The following CDH13 variants were observed in gnomAD, a reference collection of about 807,000 sequenced individuals.
CDH13 encodes the protein cadherin 13.
In CDH13, 24 loss-of-function variants were observed where a neutral mutation model predicts 63.8. The ratio of observed to expected loss-of-function variants is 0.38; its 90% CI spans 0.27 to 0.53. The LOEUF (loss-of-function observed/expected upper bound fraction) is 0.53. Among genes scored for constraint, CDH13 ranks in the 20% least tolerant of loss-of-function variants. The probability of loss-of-function intolerance (pLI) is 0.85; values close to 1 mark genes in which losing one functional copy is unlikely to be tolerated. For missense variants in CDH13, 1,049 were observed against 903.1 expected, an observed-to-expected ratio of 1.16 and a Z score of -2.07; for synonymous variants, 503 against 355.3, an observed-to-expected ratio of 1.42 and a Z score of -4.67.
chr16:83,125,204 C>A (rs2035757291), intron 3 of CDH13, among the ~76,000 whole-genome samples, 181 bp from the exon 4 acceptor site: 1 of 152,114 alleles, frequency 6.6e-6, no homozygotes, highest in African/African-American at 2.4e-5. Context: ...TAGTGAATAA[C>A]AATGTCAGCT....
chr16:83,238,691 A>G lies in CDH13; in HGVS notation c.636+21194A>G, dbSNP rs77883714. On this transcript the variant is annotated intron_variant, in intron 5 of 13. Coordinates refer to ENST00000567109, the MANE Select transcript of CDH13 (RefSeq NM_001257.5). Reference sequence around the variant, plus strand: ...GGTCTCTTTCATCTCAGGCACCTAAAGTCAAATCTTTCAGAAATAACATTT... The same window carrying G: ...GGTCTCTTTCATCTCAGGCACCTAAGGTCAAATCTTTCAGAAATAACATTT... 5.1e-3 allele frequency among the ~76,000 whole-genome samples: 770 copies of G among 152,300 alleles called. 3 individuals carry two copies. The highest frequency in any genetic ancestry group is 0.018 in the African/African-American group (735 of 41,556).
At chr16:83,709,522 A>G (rs966996129) in intron 10 of CDH13, among the ~76,000 whole-genome samples, 13 of 152,182 alleles carry the variant, frequency 8.5e-5, no homozygotes, top group Admixed American at 7.2e-4. Context: ...CATCATAATC[A>G]TCCTTGCATC....
chr16:83,012,100 C>G (rs1270248867), intron 2 of CDH13, among the ~76,000 whole-genome samples: 1 of 152,116 alleles, frequency 6.6e-6, no homozygotes, highest in Non-Finnish European at 1.5e-5. Context: ...TGGTGATACA[C>G]TGGCTTAAAA....
At chr16:83,083,806 T>C (rs981329521) in intron 3 of CDH13, among the ~76,000 whole-genome samples, 1 of 152,330 alleles carries the variant, frequency 6.6e-6, no homozygotes, top group Non-Finnish European at 1.5e-5. Context: ...AACCATCTGG[T>C]CAGGGAGCTA....
intron 5 of CDH13, among the ~76,000 whole-genome samples, chr16:83,290,669 C>T (rs781687338): frequency 3.9e-5 from 6 of 152,160 alleles, no homozygotes; most frequent in Non-Finnish European, 8.8e-5. Flanking sequence ...GACTTCTACA[C>T]AGTGTGAATG....
At chr16:83,626,052 C>G (rs1466034326) in intron 8 of CDH13, among the ~76,000 whole-genome samples, 7 of 151,288 alleles carry the variant, frequency 4.6e-5, no homozygotes, top group African/African-American at 1.7e-4. Context: ...ACTCTGTTGC[C>G]CAGGCTGGAG....
intron 1 of CDH13, among the ~76,000 whole-genome samples, chr16:82,803,184 T>G (rs2036956949): frequency 6.6e-6 from 1 of 152,222 alleles, no homozygotes; most frequent in African/African-American, 2.4e-5. Flanking sequence ...TACTCTCAGC[T>G]TACCTACCAT....
chr16:83,454,760 G>A (rs932282352), intron 6 of CDH13, among the ~76,000 whole-genome samples: 6 of 151,582 alleles, frequency 4.0e-5, no homozygotes, highest in African/African-American at 1.2e-4. Context: ...AGGCAGGATT[G>A]CAGTGGCATG....
At chr16:82,970,291 G>C (rs1005185595) in intron 2 of CDH13, among the ~76,000 whole-genome samples, 3 of 151,016 alleles carry the variant, frequency 2.0e-5, no homozygotes, top group Non-Finnish European at 4.4e-5. Flanking sequence ...GTATTCCCTG[G>C]TATATATGTG....
chr16:83,321,493 A>G (rs1264063267), intron 5 of CDH13, among the ~76,000 whole-genome samples: 1 of 115,232 alleles, frequency 8.7e-6, no homozygotes, highest in Non-Finnish European at 1.9e-5. Context: ...ATACCTCCTC[A>G]TTTTTTTTTC....
intron 2 of CDH13, among the ~76,000 whole-genome samples, chr16:83,006,329 G>A (rs566997446): frequency 3.9e-5 from 6 of 152,244 alleles, no homozygotes; most frequent in East Asian, 3.9e-4. Context: ...ATTTTGATCC[G>A]AGAGGCTTTC....
intron 1 of CDH13, among the ~76,000 whole-genome samples, chr16:82,636,308 G>A (rs892343673): frequency 3.9e-5 from 6 of 151,966 alleles, no homozygotes; most frequent in African/African-American, 1.5e-4. Context: ...TGTAATTCAG[G>A]CTGCAGAACG....
At chr16:83,218,861 A>G (rs553924732) in intron 5 of CDH13, among the ~76,000 whole-genome samples, 4 of 152,076 alleles carry the variant, frequency 2.6e-5, no homozygotes, top group Non-Finnish European at 4.4e-5. Flanking sequence ...TGTTCTCGTG[A>G]TAGTGAATAA....
intron 6 of CDH13, among the ~76,000 whole-genome samples, chr16:83,370,058 T>C (rs2091335742): frequency 6.6e-6 from 1 of 152,172 alleles, no homozygotes; most frequent in African/African-American, 2.4e-5. Flanking sequence ...ATCTCCAATA[T>C]CTCCTGCTAC....
At chr16:83,144,843 T>C (rs2036679765) in intron 4 of CDH13, among the ~76,000 whole-genome samples, 1 of 152,228 alleles carries the variant, frequency 6.6e-6, no homozygotes, top group Admixed American at 6.5e-5. Flanking sequence ...AAAGCGTTCA[T>C]GGAAATGGCC....
intron 1 of CDH13, among the ~76,000 whole-genome samples, chr16:82,732,875 G>C (rs779208027): frequency 3.3e-5 from 5 of 152,168 alleles, no homozygotes; most frequent in Non-Finnish European, 5.9e-5. Flanking sequence ...CCATTACAGA[G>C]GAAGAGTCTG....
intron 2 of CDH13, among the ~76,000 whole-genome samples, chr16:82,902,161 T>C (rs1047291512): frequency 1.3e-5 from 2 of 152,164 alleles, no homozygotes. Flanking sequence ...TGTGAGGTGA[T>C]TTGTTAAAAG....
At chr16:83,156,186 C>T (rs1362701473) in intron 4 of CDH13, among the ~76,000 whole-genome samples, 2 of 152,296 alleles carry the variant, frequency 1.3e-5, no homozygotes, top group South Asian at 2.1e-4. Flanking sequence ...TAAAGAATAA[C>T]CAAACTCCTT....
chr16:83,499,876 C>G (rs866219165), intron 7 of CDH13, among the ~76,000 whole-genome samples: 3 of 152,064 alleles, frequency 2.0e-5, no homozygotes, highest in Admixed American at 6.6e-5. Flanking sequence ...GATCTCAGCT[C>G]ACTGCAATCT....
Sources: allele counts gnomAD v4.1 joint callset (sites outside exome capture counted in the v4.1 genomes callset), GRCh38; gene constraint gnomAD v4.1.1; transcripts MANE v1.5; gene names NCBI Gene and HGNC (gene_info 2026-07-23, HGNC 2026-07-21).